The following CSMD1 variants were observed in gnomAD, a reference collection of about 807,000 sequenced individuals.
The protein encoded by CSMD1 is CUB and sushi domain-containing protein 1.
Under a neutral mutation model 417.5 loss-of-function variants are expected in CSMD1, and 213 were observed. The ratio of observed to expected loss-of-function variants is 0.51; its 90% CI spans 0.46 to 0.57. The LOEUF is 0.57. Among genes scored for constraint, CSMD1 ranks in the 20% least tolerant of loss-of-function variants. CSMD1 has a pLI of 0.00. For synonymous variants in CSMD1, 2,862 were observed against 1,736.8 expected (o/e 1.65, Z -16.11); for missense variants, 6,923 against 4,529.7 (o/e 1.53, Z -15.17).
chr8:3,990,418 G>A (rs941896224), intron 5 of CSMD1, among the ~76,000 whole-genome samples: 4 of 152,054 alleles, frequency 2.6e-5, no homozygotes, highest in East Asian at 1.9e-4. Flanking sequence ...CTTCTCTCCC[G>A]GGATAACTAT....
At chr8:3,087,847 A>G (rs1814654302) in intron 48 of CSMD1, among the ~76,000 whole-genome samples, 1 of 152,244 alleles carries the variant, frequency 6.6e-6, no homozygotes, top group Non-Finnish European at 1.5e-5. Context: ...CCAGGATAAA[A>G]GTGATAGGGT....
intron 10 of CSMD1, among the ~76,000 whole-genome samples, chr8:3,518,466 T>C (rs895924861): frequency 6.6e-6 from 1 of 152,192 alleles, no homozygotes; most frequent in African/African-American, 2.4e-5. Flanking sequence ...GAAACAATAT[T>C]GCTTTTGTAA....
intron 37 of CSMD1, among the ~76,000 whole-genome samples, chr8:3,180,136 G>C (rs752313787): frequency 6.6e-6 from 1 of 152,178 alleles, no homozygotes; most frequent in East Asian, 1.9e-4. Flanking sequence ...TTGAAAACAG[G>C]TCCTAAAATA....
At chr8:3,311,090 A>ACACC (rs1273030686) in intron 23 of CSMD1, among the ~76,000 whole-genome samples, 1 of 128,144 alleles carries the variant, frequency 7.8e-6, no homozygotes, top group Non-Finnish European at 1.9e-5. Flanking sequence ...TTAATGTAAT[A>ACACC]TACCTAACTA....
chr8:3,417,719 C>CTCATTT (rs1563368234), intron 12 of CSMD1, among the ~76,000 whole-genome samples: 1 of 152,164 alleles, frequency 6.6e-6, no homozygotes, highest in Non-Finnish European at 1.5e-5. Flanking sequence ...CTCTTAGATT[C>CTCATTT]TCATTTTTTT....
chr8:3,278,893 CAG>C (rs1802516590), intron 26 of CSMD1: 2 of 152,190 alleles, frequency 1.3e-5, no homozygotes, highest in Non-Finnish European at 2.9e-5. Context: ...CATAACAGCC[CAG>C]TTTCTTCCTG....
intron 11 of CSMD1, among the ~76,000 whole-genome samples, chr8:3,476,530 G>T (rs146780769): frequency 1.3e-5 from 2 of 152,156 alleles, no homozygotes; most frequent in East Asian, 3.9e-4. Flanking sequence ...CCAGAATGGC[G>T]GTACCACTTG....
intron 50 of CSMD1, among the ~76,000 whole-genome samples, chr8:3,035,493 A>C (rs941298065): frequency 6.6e-6 from 1 of 152,206 alleles, no homozygotes; most frequent in Non-Finnish European, 1.5e-5. Flanking sequence ...TTCCCTGAAC[A>C]CTAGAAACAA....
chr8:3,833,552 C>T (rs13252603), intron 5 of CSMD1, among the ~76,000 whole-genome samples: 22 of 151,942 alleles, frequency 1.4e-4, no homozygotes, highest in East Asian at 5.8e-4. Flanking sequence ...TTTTTGTGTC[C>T]TAAGTGGTAA....
At position 4,120,439 on chromosome 8, in the gene CSMD1, C is replaced by T. The variant is rs188850776; in HGVS notation, c.416-88340G>A. 2.0e-3 allele frequency among the ~76,000 whole-genome samples: 309 copies of T among 152,308 alleles called. 3 individuals are homozygous for T. The highest frequency in any genetic ancestry group is 7.1e-3 in the African/African-American group (297 of 41,548). ...TGTTGAGTTTTCTCTCCTTCCTCCT[C>T]CTCTCTGTCTCATCCCTGCCAGTCA... is the stretch of plus-strand genomic sequence containing the variant. On this transcript the variant is annotated intron_variant, in intron 3 of 69. Coordinates refer to ENST00000635120, the MANE Select transcript of CSMD1 (RefSeq NM_033225.6).
intron 3 of CSMD1, among the ~76,000 whole-genome samples, chr8:4,158,612 G>C (rs1484819566): frequency 6.6e-6 from 1 of 152,106 alleles, no homozygotes; most frequent in Non-Finnish European, 1.5e-5. Context: ...TTCTGGCCCA[G>C]AAATGATAAT....
intron 1 of CSMD1, among the ~76,000 whole-genome samples, chr8:4,846,809 G>C (rs929194875): frequency 6.6e-6 from 1 of 152,104 alleles, no homozygotes; most frequent in African/African-American, 2.4e-5. Context: ...AAATGTGTTT[G>C]CAAAACTATA....
At chr8:3,507,637 C>A in intron 10 of CSMD1, among the ~76,000 whole-genome samples, 1 of 152,310 alleles carries the variant, frequency 6.6e-6, no homozygotes, top group African/African-American at 2.4e-5. Flanking sequence ...TAAAAGTGTT[C>A]CTATCTCTCC....
chr8:4,126,343 A>C (rs754691770), intron 3 of CSMD1, among the ~76,000 whole-genome samples: 63 of 152,192 alleles, frequency 4.1e-4, no homozygotes, highest in Non-Finnish European at 6.5e-4. Context: ...AGGTGAACCC[A>C]CTGCATGGTT....
chr8:3,507,823 C>A (rs1486274665), intron 10 of CSMD1, among the ~76,000 whole-genome samples: 1 of 152,116 alleles, frequency 6.6e-6, no homozygotes, highest in Non-Finnish European at 1.5e-5. Context: ...AATATCTGTT[C>A]ATATCCTTTG....
At chr8:4,650,902 G>C (rs1803853903) in intron 1 of CSMD1, among the ~76,000 whole-genome samples, 1 of 152,160 alleles carries the variant, frequency 6.6e-6, no homozygotes, top group Non-Finnish European at 1.5e-5. Flanking sequence ...CTATTTAGCA[G>C]GATAATACTA....
intron 5 of CSMD1, among the ~76,000 whole-genome samples, chr8:3,771,018 C>CTGTGTGTGTGTGTG (rs140421453): frequency 1.3e-5 from 2 of 151,066 alleles, no homozygotes; most frequent in Non-Finnish European, 3.0e-5. Flanking sequence ...GTCAGTGTGT[C>CTGTGTGTGTGTGTG]TGTGTGTGTG....
intron 2 of CSMD1, among the ~76,000 whole-genome samples, chr8:4,559,461 C>A (rs180909932): frequency 2.6e-5 from 4 of 152,084 alleles, no homozygotes; most frequent in African/African-American, 9.6e-5. Flanking sequence ...AAATATATAA[C>A]CATGGAGTAG....
At chr8:4,573,167 A>C (rs1428756646) in intron 2 of CSMD1, among the ~76,000 whole-genome samples, 3 of 152,188 alleles carry the variant, frequency 2.0e-5, no homozygotes, top group African/African-American at 7.2e-5. Flanking sequence ...CTTGCTGGCA[A>C]GGAGTTGTGA....
Sources: gnomAD v4.1 joint callset for allele counts (sites outside exome capture counted in the v4.1 genomes callset) on GRCh38, gnomAD v4.1.1 for gene constraint, MANE v1.5 for transcripts, NCBI Gene and HGNC (gene_info 2026-07-23, HGNC 2026-07-21) for gene names.